The following TRPM6 variants were observed in gnomAD, a reference collection of about 807,000 sequenced individuals.
TRPM6 encodes channel kinase 2.
In TRPM6, 111 loss-of-function variants were observed where a neutral mutation model predicts 247.6. That is an observed-to-expected ratio of 0.45 (90% CI 0.38 to 0.52). The LOEUF (loss-of-function observed/expected upper bound fraction) is 0.52, where lower values mean the gene tolerates loss of function less well. Ranked by LOEUF, TRPM6 falls within the 20% of genes least tolerant of loss-of-function variation. TRPM6 has a pLI of 0.00. For synonymous variants in TRPM6, 892 were observed against 853.8 expected (o/e 1.04, Z -0.78); for missense variants, 2,126 against 2,421.5 (o/e 0.88, Z 2.56).
chr9:74,788,071 G>T (rs1170205195), intron 20 of TRPM6, among the ~76,000 whole-genome samples: 1 of 151,774 alleles, frequency 6.6e-6, no homozygotes. Context: ...AAAAGTTTTG[G>T]TTTTTTGTTT....
At chr9:74,815,743 C>A (rs2117935838) in intron 11 of TRPM6, among the ~76,000 whole-genome samples, 1 of 152,248 alleles carries the variant, frequency 6.6e-6, no homozygotes, top group South Asian at 2.1e-4. Context: ...TTAGAAAAAT[C>A]AAAAACATCT....
intron 1 of TRPM6, chr9:74,887,257 G>A: frequency 7.7e-7 from 1 of 1,303,438 alleles, no homozygotes; most frequent in Non-Finnish European, 9.7e-7. Flanking sequence ...ATCGCTCCGG[G>A]ACTCCTGCAC....
intron 3 of TRPM6, among the ~76,000 whole-genome samples, chr9:74,846,845 G>A (rs1002725067): frequency 3.9e-5 from 6 of 152,164 alleles, no homozygotes; most frequent in Non-Finnish European, 5.9e-5. Context: ...CACTGCTCCC[G>A]GCTATTTTAC....
chr9:74,851,760 A>ATATATATATATAT (rs1244634400), intron 3 of TRPM6, among the ~76,000 whole-genome samples: 2 of 106,896 alleles, frequency 1.9e-5, no homozygotes, highest in African/African-American at 2.9e-5. Context: ...AAAAAAAAAA[A>ATATATATATATAT]AAAATATATA....
At chr9:74,774,968 G>A (rs1034477674) in intron 24 of TRPM6, among the ~76,000 whole-genome samples, 8 of 152,184 alleles carry the variant, frequency 5.3e-5, no homozygotes, top group African/African-American at 7.2e-5. Context: ...AGAGGATTGC[G>A]CATTTATGCC....
At chr9:74,739,646 C>T in intron 34 of TRPM6, 77 bp downstream of exon 34, 1 of 1,586,886 alleles carries the variant, frequency 6.3e-7, no homozygotes, top group Non-Finnish European at 8.6e-7. Flanking sequence ...GGATAATGGC[C>T]TTAGATAAGG....
Position 74,869,954 on chromosome 9 carries a change from T to C in TRPM6, c.34-11206A>G, listed in dbSNP as rs550203170. Among the ~76,000 whole-genome samples the C allele has an allele frequency of 1.0e-3, 154 of 152,318 alleles. 3 individuals are homozygous for C. The highest frequency in any genetic ancestry group is 9.6e-4 in the Non-Finnish European group (65 of 68,032). On this transcript the variant is annotated intron_variant, in intron 1 of 38. Coordinates refer to ENST00000360774, the MANE Select transcript of TRPM6 (RefSeq NM_017662.5). ...CCAAGACCTTATTATCCATGTTCTA[T>C]AGAAACTGATAGCCTGTTTAGCTCT...
At chr9:74,843,672 G>T (rs11144112) in intron 3 of TRPM6, among the ~76,000 whole-genome samples, 44,658 of 151,394 alleles carry the variant, frequency 0.29, 7,868 homozygotes, top group East Asian at 0.51. Flanking sequence ...AAAATTAGCC[G>T]GGCATGGTGG....
At chr9:74,792,481 C>T (rs1827939013) in intron 19 of TRPM6, 143 bp downstream of exon 19, 3 of 864,202 alleles carry the variant, frequency 3.5e-6, no homozygotes, top group Admixed American at 3.9e-5. Context: ...GTCCTCTTTG[C>T]TACCTACTTT....
chr9:74,884,387 G>C (rs893667571), intron 1 of TRPM6, among the ~76,000 whole-genome samples: 2 of 152,048 alleles, frequency 1.3e-5, no homozygotes, highest in Non-Finnish European at 2.9e-5. Flanking sequence ...TACTCGGGAG[G>C]CTGAGGCAGG....
At chr9:74,824,883 CT>C (rs1210811068) in intron 7 of TRPM6, among the ~76,000 whole-genome samples, 5,233 of 145,460 alleles carry the variant, frequency 0.036, 256 homozygotes, top group African/African-American at 0.11. Flanking sequence ...TAATGTGAGT[CT>C]TTTTTTTTTT....
At chr9:74,735,276 G>A (rs1346666733) in intron 36 of TRPM6, among the ~76,000 whole-genome samples, 2 of 151,632 alleles carry the variant, frequency 1.3e-5, no homozygotes, top group East Asian at 3.8e-4. Flanking sequence ...CAGAGGAGAG[G>A]GAAAAGAAAA....
intron 20 of TRPM6, among the ~76,000 whole-genome samples, chr9:74,786,590 A>T (rs891210426): frequency 3.9e-5 from 6 of 151,924 alleles, no homozygotes; most frequent in African/African-American, 1.2e-4. Context: ...AATACAAAAA[A>T]TTAGCCGGGC....
chr9:74,757,182 A>C (rs956339174), intron 27 of TRPM6, among the ~76,000 whole-genome samples: 2 of 150,976 alleles, frequency 1.3e-5, no homozygotes, highest in Non-Finnish European at 3.0e-5. Context: ...TGTCTAAAAA[A>C]ACAAACTAAC....
At chr9:74,831,108 G>T (rs952704054) in intron 6 of TRPM6, among the ~76,000 whole-genome samples, 4 of 152,014 alleles carry the variant, frequency 2.6e-5, no homozygotes, top group African/African-American at 9.7e-5. Context: ...CAATAATAGA[G>T]GAATCATTGA....
At chr9:74,879,754 TC>T (rs1564064590) in intron 1 of TRPM6, among the ~76,000 whole-genome samples, 2 of 152,096 alleles carry the variant, frequency 1.3e-5, no homozygotes, top group African/African-American at 2.4e-5. Context: ...GTGCAACCCT[TC>T]CCCCATACCT....
At chr9:74,866,681 A>G (rs1259699427) in intron 1 of TRPM6, among the ~76,000 whole-genome samples, 1 of 151,990 alleles carries the variant, frequency 6.6e-6, no homozygotes, top group East Asian at 1.9e-4. Flanking sequence ...GGGTTTTACC[A>G]TGTTGGCCAG....
intron 3 of TRPM6, among the ~76,000 whole-genome samples, chr9:74,843,509 T>C (rs1043382004): frequency 3.9e-5 from 6 of 152,080 alleles, no homozygotes; most frequent in African/African-American, 1.4e-4. Context: ...ATGTATTCCT[T>C]AAATAATAAG....
chr9:74,739,121 A>G (rs1462786675), intron 35 of TRPM6, among the ~76,000 whole-genome samples: 4 of 152,202 alleles, frequency 2.6e-5, no homozygotes, highest in Non-Finnish European at 4.4e-5. Context: ...CCCATAACTG[A>G]AATCTTAGTT....
Sources: allele counts gnomAD v4.1 joint callset (sites outside exome capture counted in the v4.1 genomes callset), GRCh38; gene constraint gnomAD v4.1.1; transcripts MANE v1.5; gene names NCBI Gene and HGNC (gene_info 2026-07-23, HGNC 2026-07-21).